DGKB: variants seen among roughly 807,000 people sequenced by gnomAD.
DGKB encodes the protein diacylglycerol kinase beta.
Under a neutral mutation model 114.3 loss-of-function variants are expected in DGKB, and 67 were observed. The ratio of observed to expected loss-of-function variants is 0.59; its 90% CI spans 0.48 to 0.72. DGKB has a LOEUF of 0.72. DGKB is among the 30% of genes least tolerant of loss of function. The pLI is 0.00. For missense variants in DGKB, 907 were observed against 975.2 expected (o/e 0.93, Z 0.93); for synonymous variants, 398 against 323.1 (o/e 1.23, Z -2.49).
At chr7:14,596,654 A>G (rs1802631954) in intron 17 of DGKB, among the ~76,000 whole-genome samples, 1 of 152,208 alleles carries the variant, frequency 6.6e-6, no homozygotes, top group South Asian at 2.1e-4. Flanking sequence ...TTCCAATGCT[A>G]CTAGTCACTA....
chr7:14,636,037 G>T (rs754097582), intron 13 of DGKB, among the ~76,000 whole-genome samples: 1 of 151,534 alleles, frequency 6.6e-6, no homozygotes, highest in Non-Finnish European at 1.5e-5. Flanking sequence ...AAACAAAGAG[G>T]TTATAATGGA....
At chr7:14,919,888 C>T (rs1784432116) in intron 1 of DGKB, among the ~76,000 whole-genome samples, 1 of 152,144 alleles carries the variant, frequency 6.6e-6, no homozygotes, top group Admixed American at 6.6e-5. Context: ...CTTTCTCCTC[C>T]TGCACCATGA....
At chr7:14,816,906 C>A (rs1297053421) in intron 2 of DGKB, among the ~76,000 whole-genome samples, 1 of 152,154 alleles carries the variant, frequency 6.6e-6, no homozygotes, top group Non-Finnish European at 1.5e-5. Context: ...TTCTCTGCTG[C>A]TAGTTGGACA....
chr7:14,169,401 T>A (rs904888465), intron 25 of DGKB, among the ~76,000 whole-genome samples: 15 of 143,392 alleles, frequency 1.0e-4, no homozygotes, highest in Non-Finnish European at 1.8e-4. Context: ...AAACCATGAG[T>A]CCTAGATAAC....
At chr7:14,869,486 T>C (rs1852155379) in intron 1 of DGKB, among the ~76,000 whole-genome samples, 1 of 152,214 alleles carries the variant, frequency 6.6e-6, no homozygotes, top group Admixed American at 6.5e-5. Context: ...TTTACAAAAG[T>C]GTTTAAACTC....
chr7:14,817,427 TA>T (rs1261639497), intron 2 of DGKB, among the ~76,000 whole-genome samples: 4 of 152,346 alleles, frequency 2.6e-5, no homozygotes, highest in South Asian at 4.1e-4. Context: ...GATGCTATGA[TA>T]TTTTTTAAAA....
In DGKB at chr7:14,717,510, G is replaced by A. The variant is rs150960543; in HGVS notation, c.466+1032C>T. Among the ~76,000 whole-genome samples the A allele has an allele frequency of 2.9e-3, 435 of 152,098 alleles. 2 individuals carry two copies. Among genetic ancestry groups the A allele is most frequent in the Non-Finnish European group, 3.8e-3 (257 of 67,966 alleles). ...GAATAATAAATATATATTTAAAGAT[G>A]ATATTCATATGGTTTATTCATAACC... On this transcript the variant is annotated intron_variant, in intron 6 of 25. Coordinates refer to ENST00000402815, the MANE Select transcript of DGKB (RefSeq NM_001350709.2).
chr7:14,618,513 T>G (rs917392701), intron 15 of DGKB, among the ~76,000 whole-genome samples: 1 of 151,688 alleles, frequency 6.6e-6, no homozygotes, highest in Admixed American at 6.6e-5. Context: ...CCTTATTTCT[T>G]CACATGTGGG....
intron 1 of DGKB, among the ~76,000 whole-genome samples, chr7:14,947,363 T>C (rs1328872729): frequency 6.6e-6 from 1 of 151,768 alleles, no homozygotes; most frequent in Non-Finnish European, 1.5e-5. Flanking sequence ...TTTATGTTTC[T>C]GGCATTCCAT....
At chr7:14,767,486 C>T (rs978175254) in intron 2 of DGKB, among the ~76,000 whole-genome samples, 1 of 151,860 alleles carries the variant, frequency 6.6e-6, no homozygotes, top group African/African-American at 2.4e-5. Context: ...GAGCCCTTAT[C>T]ATCATCATCT....
chr7:14,522,508 T>TG (rs2128569026), intron 20 of DGKB, among the ~76,000 whole-genome samples: 1 of 152,316 alleles, frequency 6.6e-6, no homozygotes, highest in East Asian at 1.9e-4. Flanking sequence ...GCAACTGAGA[T>TG]GGCCACTTAA....
rs73280338 is a variant in DGKB at position 14,441,009 on chromosome 7, C to G, written c.1835+37152G>C. 9.3e-3 allele frequency among the ~76,000 whole-genome samples: 1,407 copies of G among 151,994 alleles called. 24 individuals are homozygous for G. Among genetic ancestry groups the G allele is most frequent in the African/African-American group, 0.032 (1,347 of 41,472 alleles). ...TTCTGTTTATTGAGCATTCATTTTTCTTCTTTTAGAATTCTTTTTTTTCTT... is the reference window on the plus strand; with the variant it reads ...TTCTGTTTATTGAGCATTCATTTTTGTTCTTTTAGAATTCTTTTTTTTCTT... On this transcript the variant is annotated intron_variant, in intron 21 of 25. Coordinates refer to ENST00000402815, the MANE Select transcript of DGKB (RefSeq NM_001350709.2).
chr7:14,223,421 T>G (rs975815877), intron 23 of DGKB, among the ~76,000 whole-genome samples: 1 of 151,744 alleles, frequency 6.6e-6, no homozygotes, highest in African/African-American at 2.4e-5. Flanking sequence ...CTTTCTGAAT[T>G]TTTATATTTT....
chr7:14,785,626 T>G (rs1839779569), intron 2 of DGKB, among the ~76,000 whole-genome samples: 1 of 152,106 alleles, frequency 6.6e-6, no homozygotes, highest in Non-Finnish European at 1.5e-5. Flanking sequence ...CAAAAACATG[T>G]GGGAGAAAGC....
chr7:14,150,154 AAG>A lies in DGKB; in HGVS notation c.2305-918_2305-917del, dbSNP rs146693883. 5.6e-3 allele frequency among the ~76,000 whole-genome samples: 846 copies of A among 152,254 alleles called. 7 individuals carry two copies. The highest frequency in any genetic ancestry group is 0.019 in the African/African-American group (772 of 41,560). On this transcript the variant is annotated intron_variant, in intron 25 of 25. Coordinates refer to ENST00000402815, the MANE Select transcript of DGKB (RefSeq NM_001350709.2). The stretch of plus-strand genomic sequence containing the variant: ...ATCTTGCCTTTGGGCTAGTGACGCT[AAG>A]AGTTTTTCAAAAGCAATCTGAGACA...
chr7:14,266,035 C>A (rs757251582), intron 23 of DGKB, among the ~76,000 whole-genome samples: 1 of 152,108 alleles, frequency 6.6e-6, no homozygotes, highest in African/African-American at 2.4e-5. Context: ...GTAAATGCTA[C>A]TGAGTGCATG....
chr7:14,351,690 C>G (rs1813464716), intron 21 of DGKB, among the ~76,000 whole-genome samples: 1 of 152,082 alleles, frequency 6.6e-6, no homozygotes, highest in South Asian at 2.1e-4. Context: ...AACTTTTACT[C>G]AAATTTGTAA....
At chr7:14,756,274 A>T (rs1371374541) in intron 3 of DGKB, among the ~76,000 whole-genome samples, 1 of 151,998 alleles carries the variant, frequency 6.6e-6, no homozygotes, top group Non-Finnish European at 1.5e-5. Context: ...TCTTATAGCA[A>T]TTCAGTGCTA....
chr7:14,594,975 T>G (rs10261616), intron 17 of DGKB, among the ~76,000 whole-genome samples: 5,841 of 152,142 alleles, frequency 0.038, 151 homozygotes, highest in African/African-American at 0.069. Context: ...AATTCTTGCC[T>G]TTGAGTATCT....
Sources: allele counts gnomAD v4.1 joint callset (sites outside exome capture counted in the v4.1 genomes callset), GRCh38; gene constraint gnomAD v4.1.1; transcripts MANE v1.5; gene names NCBI Gene and HGNC (gene_info 2026-07-23, HGNC 2026-07-21).